NBEAL2: variants seen among roughly 807,000 people sequenced by gnomAD.
NBEAL2 encodes neurobeachin like 2.
NBEAL2 carries 160 observed loss-of-function variants against 299.8 expected under a neutral mutation model. The observed-to-expected ratio is 0.53, with a 90% CI of 0.47 to 0.61. NBEAL2 has a LOEUF of 0.61. NBEAL2 is among the 20% of genes least tolerant of loss of function. The pLI is 0.00. For missense variants in NBEAL2, 3,112 were observed against 3,649.0 expected (o/e 0.85, Z 3.79); for synonymous variants, 1,493 against 1,542.3 (o/e 0.97, Z 0.75).
chr3:46,989,404 G>GGAACCCAGA lies in NBEAL2; in HGVS notation c.473+25_473+33dup, dbSNP rs2035915983. On this transcript the variant is annotated intron_variant, in intron 5 of 53. Transcript: ENST00000450053. The surrounding 1 kb of genome is among the most constrained non-coding windows in gnomAD (Gnocchi z 5.5). Reference sequence around the variant, plus strand: ...TGGGTGAGACCCAGCCCACAGGAAGGGAACCCAGAGGAGGGTGGGGAGAGG... The same window carrying GGAACCCAGA: ...TGGGTGAGACCCAGCCCACAGGAAGGGAACCCAGAGAACCCAGAGGAGGGTGGGGAGAGG... The GGAACCCAGA allele has an allele frequency of 1.3e-6, 2 of 1,569,572 alleles. No individual in the cohort carries two copies. The highest frequency in any genetic ancestry group is 1.7e-6 in the Non-Finnish European group (2 of 1,157,336).
At position 47,000,509 on chromosome 3, in the gene NBEAL2, C is replaced by T. The variant is rs1249814636; in HGVS notation, c.4305+105C>T. On this transcript the variant is annotated intron_variant, in intron 27 of 53. Transcript: ENST00000450053. This position sits in a 1 kb window ranked among gnomAD's most constrained non-coding sequence, Gnocchi z 4.5. ...CTCCAAAGGTGTGGCCCTGTCTGAC[C>T]AGGGTTGCAGCCACTGGTCAGGCCT... 1 of 1,423,872 alleles carries T rather than the reference C, an allele frequency of 7.0e-7. No homozygotes were observed. Among genetic ancestry groups the T allele is most frequent in the Non-Finnish European group, 9.5e-7 (1 of 1,057,488 alleles). 88.2% of individuals were successfully genotyped at this position (1,423,872 alleles called of 1,614,324 possible).
rs370728552 is a variant in NBEAL2 at position 46,995,068 on chromosome 3, C to T, written c.1333C>T (p.Pro445Ser). 24 of 1,558,252 alleles carry T rather than the reference C, an allele frequency of 1.5e-5. No homozygotes were observed. The East Asian group carries it at 4.3e-4, about 28-fold the overall frequency. ...EGDHSMCPPPPIRNEQPVLVL... is the reference protein window; with the variant it reads ...EGDHSMCPPPSIRNEQPVLVL... ...TGACCACAGCATGTGCCCACCTCCA[C>T]CAATCCGCAACGAGCAGCCGGTACT... Residue 445 changes from proline (P) to serine (S), a missense_variant, in exon 13 of 54, where the codon CCA (proline) becomes TCA (serine). Pro to Ser is a moderately conservative substitution (Grantham distance 74). Transcript: ENST00000450053.
intron 1 of NBEAL2, among the ~76,000 whole-genome samples, chr3:46,983,476 A>G (rs1042447664): frequency 6.6e-6 from 1 of 151,694 alleles, no homozygotes; most frequent in African/African-American, 2.4e-5. Context: ...CACCCGGCTA[A>G]TTTTTGTATT....
Position 47,007,596 on chromosome 3 carries a change from C to G in NBEAL2, c.7406C>G (p.Pro2469Arg). 2 of 1,611,994 alleles carry G rather than the reference C, an allele frequency of 1.2e-6. No homozygotes were observed. The highest frequency in any genetic ancestry group is 1.7e-6 in the Non-Finnish European group (2 of 1,179,502). ...AGTGGACAAGCACTGGCAGTGGCCCCGGATGGAAAGCTGCTATTCAGCGGT... is the reference window on the plus strand; with the variant it reads ...AGTGGACAAGCACTGGCAGTGGCCCGGGATGGAAAGCTGCTATTCAGCGGT... ...GVSGQALAVA[P>R]DGKLLFSGGH... The change falls in exon 48 of 54, where the codon CCG becomes CGG. Residue 2469 changes from proline to arginine, a missense_variant. Physicochemically the swap from Pro to Arg is moderately radical, Grantham distance 103. Coordinates refer to ENST00000450053, the MANE Select transcript of NBEAL2 (RefSeq NM_015175.3).
At chr3:46,987,746 A>C (rs4478107) in intron 1 of NBEAL2, among the ~76,000 whole-genome samples, 1 of 152,068 alleles carries the variant, frequency 6.6e-6, no homozygotes, top group African/African-American at 2.4e-5. Context: ...TCCAGGCGCC[A>C]ACCTCATGCT....
rs1232371831 is a variant in NBEAL2, at chr3:47,009,067, G to A, written c.8106G>A (p.Val2702=). 8 of 1,602,372 alleles carry A rather than the reference G, an allele frequency of 5.0e-6. No individual in the cohort carries two copies. The highest frequency in any genetic ancestry group is 1.3e-5 in the African/African-American group (1 of 74,910). ...CCGTGACCAAGGAGCGCAGCCACGT[G>A]CTGGTGGGCCTGGAGGATGGCAAGC... is the stretch of plus-strand genomic sequence containing the variant. ...SVAVTKERSH[V]LVGLEDGKLI... is the part of the protein sequence containing the mutation. The change falls in exon 53 of 54, where the codon GTG becomes GTA. Residue 2702 remains valine (V), a synonymous_variant. Coordinates refer to ENST00000450053, the MANE Select transcript of NBEAL2 (RefSeq NM_015175.3).
intron 1 of NBEAL2, among the ~76,000 whole-genome samples, chr3:46,983,692 T>A (rs1156556101): frequency 1.3e-5 from 2 of 152,078 alleles, no homozygotes; most frequent in Non-Finnish European, 2.9e-5. Context: ...TGGTGCTTGG[T>A]CCCCTGCCTC....
intron 11 of NBEAL2, 103 bp downstream of exon 11, chr3:46,994,123 T>G: frequency 2.4e-6 from 3 of 1,236,786 alleles, no homozygotes; most frequent in Non-Finnish European, 3.4e-6. Flanking sequence ...TCCTGCTCCC[T>G]GGAGCAAAGC....
At position 47,005,841 on chromosome 3, in the gene NBEAL2, G is replaced by A. The variant is rs760427840; in HGVS notation, c.6795G>A (p.Gln2265=). The A allele has an allele frequency of 6.2e-7, 1 of 1,613,404 alleles. No homozygotes were observed. Among genetic ancestry groups the A allele is most frequent in the East Asian group, 2.2e-5 (1 of 44,882 alleles). Residue 2265 remains glutamine, a synonymous_variant, in exon 42 of 54, where the codon CAG becomes CAA. Coordinates refer to ENST00000450053, the MANE Select transcript of NBEAL2 (RefSeq NM_015175.3). ...AGGACTTCATCCAGCAGCACCGCCA[G>A]GCTCTGGTGAGGAAGGAACCACAGG... ...SPEDFIQQHR[Q]ALESEYVSAH...
intron 6 of NBEAL2, among the ~76,000 whole-genome samples, chr3:46,990,668 G>T (rs560890993): frequency 5.9e-5 from 9 of 152,340 alleles, no homozygotes; most frequent in African/African-American, 2.2e-4. Flanking sequence ...TTCAGTCCCT[G>T]GCCTGGCATC....
At chr3:47,005,398 AC>A in intron 40 of NBEAL2, 77 bp downstream of exon 40, 2 of 1,568,396 alleles carry the variant, frequency 1.3e-6, no homozygotes, top group Non-Finnish European at 1.7e-6. Context: ...TCCTGGGCCC[AC>A]CCCTGGCTCC....
In NBEAL2 at chr3:47,003,774, G is replaced by T; in HGVS notation, c.5721-42G>T. 2.0e-6 allele frequency: 3 copies of T among 1,534,352 alleles called. No individual in the cohort carries two copies. The highest frequency in any genetic ancestry group is 2.6e-6 in the Non-Finnish European group (3 of 1,137,686). On this transcript the variant is annotated intron_variant, in intron 35 of 53. Transcript: ENST00000450053. The surrounding 1 kb of genome is among the most constrained non-coding windows in gnomAD (Gnocchi z 7.0). ...TGCCCTTTGGGCTTGTGAAGAAGGG[G>T]GTCCCAGAGCCTACAGCGTGAGGTG...
chr3:46,981,391 G>C (rs1814564), intron 1 of NBEAL2, among the ~76,000 whole-genome samples: 142,447 of 151,822 alleles, frequency 0.94, 67,515 homozygotes, highest in East Asian at 1. Flanking sequence ...GCAGTGAGCC[G>C]AGATCGCGCC....
At chr3:46,992,332 C>G in intron 9 of NBEAL2, 143 bp from the exon 10 acceptor site, 1 of 782,218 alleles carries the variant, frequency 1.3e-6, no homozygotes, top group Non-Finnish European at 2.2e-6. Flanking sequence ...GAGCAGGGCA[C>G]AGGGGGCTCA....
Position 47,004,057 on chromosome 3 carries a change from CCTG to C in NBEAL2, c.5882-16_5882-14del, listed in dbSNP as rs1483187396. Reference sequence around the variant, plus strand: ...GGGGCTGGGGTGAGTGACTCCCGTACCTGCTGTTCCTCCCCATAGGCATCGGCT... The same window carrying C: ...GGGGCTGGGGTGAGTGACTCCCGTACCTGTTCCTCCCCATAGGCATCGGCT... On this transcript the variant is annotated splice_polypyrimidine_tract_variant and intron_variant, in intron 36 of 53. Transcript: ENST00000450053. The surrounding 1 kb of genome is among the most constrained non-coding windows in gnomAD (Gnocchi z 5.0). 3.1e-6 allele frequency: 5 copies of C among 1,607,898 alleles called. No homozygotes were observed. Among genetic ancestry groups the C allele is most frequent in the Non-Finnish European group, 3.4e-6 (4 of 1,175,852 alleles).
In NBEAL2 at chr3:46,989,389, C is replaced by G. The variant is rs1246487567; in HGVS notation, c.473+8C>G. 2 of 1,574,116 alleles carry G rather than the reference C, an allele frequency of 1.3e-6. No homozygotes were observed. Among genetic ancestry groups the G allele is most frequent in the Non-Finnish European group, 1.7e-6 (2 of 1,159,882 alleles). On this transcript the variant is annotated splice_region_variant and intron_variant, in intron 5 of 53. Transcript: ENST00000450053. This position sits in a 1 kb window ranked among gnomAD's most constrained non-coding sequence, Gnocchi z 5.5. ...GCGGCGCCAGCGCAGTGGGTGAGAC[C>G]CAGCCCACAGGAAGGGAACCCAGAG...
Position 46,993,250 on chromosome 3 carries a change from G to GACT in NBEAL2, c.1114-686_1114-684dup, listed in dbSNP as rs1300178236. On this transcript the variant is annotated intron_variant, in intron 10 of 53. Transcript: ENST00000450053. ...AGGACACTGAGGCCTGGAGGGGGAG[G>GACT]ACTGATGCCTTAGGTCACTTGGGGA... 2.0e-5 allele frequency among the ~76,000 whole-genome samples: 3 copies of GACT among 152,328 alleles called. No homozygotes were observed. In the East Asian group the frequency reaches 5.8e-4, roughly 29 times the overall value.
At chr3:47,002,917 C>A (rs1336878528) in intron 33 of NBEAL2, 40 bp from the exon 34 acceptor site, 2 of 1,605,604 alleles carry the variant, frequency 1.2e-6, no homozygotes, top group Admixed American at 1.7e-5. Context: ...GGGGTGTCTA[C>A]AGCCTTCTAC....
Position 46,979,790 on chromosome 3 carries a change from A to C in NBEAL2, c.-72A>C. On this transcript the variant is annotated 5_prime_UTR_variant, in exon 1 of 54. Coordinates refer to ENST00000450053, the MANE Select transcript of NBEAL2 (RefSeq NM_015175.3). ...CGCCCTCCGCCCATGGGCCTGGCCG[A>C]GGGCAACCGGCGGGCGGCGCGGAGG... 2.6e-6 allele frequency: 1 copy of C among 379,270 alleles called. No individual in the cohort carries two copies. 23.5% of individuals were successfully genotyped at this position (379,270 alleles called of 1,614,324 possible). A position where few individuals can be genotyped will look rare whatever the true frequency, so the allele number is the denominator to read the frequency against.
Sources: allele counts gnomAD v4.1 joint callset (sites outside exome capture counted in the v4.1 genomes callset), GRCh38; gene constraint gnomAD v4.1.1; non-coding constraint Gnocchi (gnomAD v3.1); transcripts MANE v1.5; gene names NCBI Gene and HGNC (gene_info 2026-07-23, HGNC 2026-07-21).